Variants in ADAMTS9 observed in about 807,000 individuals in gnomAD.
ADAMTS9 encodes the protein A disintegrin and metalloproteinase with thrombospondin motifs 9.
Under a neutral mutation model 257.1 loss-of-function variants are expected in ADAMTS9, and 107 were observed. The ratio of observed to expected loss-of-function variants is 0.42; its 90% CI spans 0.36 to 0.49. ADAMTS9 has a LOEUF of 0.49. Ranked by LOEUF, ADAMTS9 falls within the 20% of genes least tolerant of loss-of-function variation. ADAMTS9 has a pLI of 0.03. For missense variants in ADAMTS9, 2,353 were observed against 2,469.1 expected (o/e 0.95, Z 1.00); for synonymous variants, 982 against 880.9 (o/e 1.11, Z -2.03).
chr3:64,615,126 T>G, intron 21 of ADAMTS9, 195 bp downstream of exon 21: 1 of 587,414 alleles, frequency 1.7e-6, no homozygotes, highest in Non-Finnish European at 2.8e-6. Flanking sequence ...TGCCCTGAGG[T>G]CACTGGTAGA....
chr3:64,687,991 G>A lies in ADAMTS9; in HGVS notation c.-334C>T, dbSNP rs1347731893. The A allele has an allele frequency of 5.0e-6, 1 of 198,658 alleles. No homozygotes were observed. Among genetic ancestry groups the A allele is most frequent in the Non-Finnish European group, 1.0e-5 (1 of 99,014 alleles). The allele number at this position is 198,658 out of a possible 1,614,324, so 12.3% of individuals were successfully genotyped here. On this transcript the variant is annotated 5_prime_UTR_variant, in exon 1 of 40. Transcript: ENST00000498707. This position sits in a 1 kb window ranked among gnomAD's most constrained non-coding sequence, Gnocchi z 4.4. ...GGAACTTGCGCTCCGAGGCGCGCCG[G>A]GCGCCCTGTGCTGGCCGGGATAGCT...
chr3:64,603,864 C>T, intron 25 of ADAMTS9, 58 bp downstream of exon 25: 7 of 1,590,000 alleles, frequency 4.4e-6, no homozygotes, highest in African/African-American at 1.3e-5. Context: ...CCGCTGACTC[C>T]TCATAGCCCT....
At chr3:64,665,316 A>G (rs1007653587) in intron 3 of ADAMTS9, among the ~76,000 whole-genome samples, 4 of 152,178 alleles carry the variant, frequency 2.6e-5, no homozygotes, top group Admixed American at 2.0e-4. Context: ...TGAAGAACTC[A>G]TGCAATGAAG....
At chr3:64,545,365 C>T (rs2083183301) in intron 32 of ADAMTS9, among the ~76,000 whole-genome samples, 2 of 152,204 alleles carry the variant, frequency 1.3e-5, no homozygotes, top group African/African-American at 4.8e-5. Context: ...ACCCACATGT[C>T]CACCAATGAT....
rs191489689 is a variant in ADAMTS9 at position 64,682,387 on chromosome 3, C to T, written c.517-1024G>A. ...TCTAACCATTAGGATAAAATTTGCT[C>T]TTACTAATCATTCTAAGCACCTTGC... On this transcript the variant is annotated intron_variant, in intron 2 of 39. Coordinates refer to ENST00000498707, the MANE Select transcript of ADAMTS9 (RefSeq NM_182920.2). Among the ~76,000 whole-genome samples, 41 of 152,234 alleles carry T rather than the reference C, an allele frequency of 2.7e-4. No homozygotes were observed. In the East Asian group the frequency reaches 7.3e-3, roughly 27 times the overall value.
chr3:64,518,389 T>C (rs1203537191), intron 39 of ADAMTS9, among the ~76,000 whole-genome samples: 1 of 152,126 alleles, frequency 6.6e-6, no homozygotes, highest in Non-Finnish European at 1.5e-5. Context: ...TGAGGGAAGA[T>C]GCAGGTGGGT....
At chr3:64,640,417 T>C (rs1024115553) in intron 12 of ADAMTS9, among the ~76,000 whole-genome samples, 4 of 152,204 alleles carry the variant, frequency 2.6e-5, no homozygotes, top group Non-Finnish European at 5.9e-5. Context: ...CAGACCTGAG[T>C]AGTGCCCTGC....
chr3:64,660,705 T>C (rs1295476952), intron 3 of ADAMTS9, among the ~76,000 whole-genome samples: 1 of 152,186 alleles, frequency 6.6e-6, no homozygotes, highest in African/African-American at 2.4e-5. Flanking sequence ...TTTTACTTAA[T>C]GACAGCCTCA....
intron 37 of ADAMTS9, among the ~76,000 whole-genome samples, chr3:64,537,490 T>G (rs1310415211): frequency 2.0e-5 from 3 of 152,182 alleles, no homozygotes; most frequent in Non-Finnish European, 2.9e-5. Flanking sequence ...CTTTTTACCA[T>G]TATGTCCTTT....
At chr3:64,527,410 G>C (rs2082924133) in intron 38 of ADAMTS9, among the ~76,000 whole-genome samples, 2 of 152,110 alleles carry the variant, frequency 1.3e-5, no homozygotes. Flanking sequence ...TTTGACTGGA[G>C]TGTGCTAATT....
intron 20 of ADAMTS9, 42 bp from the exon 21 acceptor site, chr3:64,615,527 C>A: frequency 1.3e-6 from 2 of 1,560,994 alleles, no homozygotes; most frequent in South Asian, 1.2e-5. Context: ...TGCTAAGTTT[C>A]TTATAAAGTA....
chr3:64,547,099 G>A, intron 31 of ADAMTS9, 147 bp from the exon 32 acceptor site: 1 of 742,502 alleles, frequency 1.3e-6, no homozygotes, highest in Non-Finnish European at 2.1e-6. Context: ...ATTTCAAGTG[G>A]CAGGCCCTGA....
chr3:64,608,275 A>C (rs1446123938), intron 22 of ADAMTS9, among the ~76,000 whole-genome samples: 1 of 150,690 alleles, frequency 6.6e-6, no homozygotes, highest in Non-Finnish European at 1.5e-5. Context: ...AAAAAAAAAA[A>C]ACAAGAAAAG....
chr3:64,649,911 T>C, intron 9 of ADAMTS9, 133 bp from the exon 10 acceptor site: 1 of 1,138,416 alleles, frequency 8.8e-7, no homozygotes, highest in Non-Finnish European at 1.2e-6. Context: ...GCTTTATTCT[T>C]TACATCCAAG....
intron 28 of ADAMTS9, among the ~76,000 whole-genome samples, chr3:64,582,112 A>G (rs2084019183): frequency 6.6e-6 from 1 of 152,020 alleles, no homozygotes; most frequent in South Asian, 2.1e-4. Flanking sequence ...TGCCGTTTTG[A>G]GTGTGTTTGT....
chr3:64,633,316 A>G (rs1337333746), intron 14 of ADAMTS9, among the ~76,000 whole-genome samples, 156 bp downstream of exon 14: 1 of 152,146 alleles, frequency 6.6e-6, no homozygotes, highest in Non-Finnish European at 1.5e-5. Flanking sequence ...GAAAAAAGTG[A>G]TATTGATGCT....
chr3:64,623,127 C>G (rs1428757575), intron 16 of ADAMTS9, among the ~76,000 whole-genome samples: 1 of 151,190 alleles, frequency 6.6e-6, no homozygotes, highest in African/African-American at 2.4e-5. Context: ...CTGTGGTAGC[C>G]AGCCTCAAAT....
chr3:64,517,416 G>GTTTTTTTTTTTTTTTTTT (rs755480110), intron 39 of ADAMTS9, among the ~76,000 whole-genome samples: 2,092 of 52,638 alleles, frequency 0.04, 752 homozygotes, highest in Non-Finnish European at 0.062. Context: ...ATTAAAAATG[G>GTTTTTTTTTTTTTTTTTT]TTTTTTTTTT....
intron 8 of ADAMTS9, among the ~76,000 whole-genome samples, chr3:64,652,562 C>A (rs1700956501): frequency 6.6e-6 from 1 of 152,112 alleles, no homozygotes; most frequent in Admixed American, 6.5e-5. Context: ...CCCACTCCCA[C>A]AATTACTTGA....
Sources: allele counts gnomAD v4.1 joint callset (sites outside exome capture counted in the v4.1 genomes callset), GRCh38; gene constraint gnomAD v4.1.1; non-coding constraint Gnocchi (gnomAD v3.1); transcripts MANE v1.5; gene names NCBI Gene and HGNC (gene_info 2026-07-23, HGNC 2026-07-21).